NWD2: variants seen among roughly 807,000 people sequenced by gnomAD.
NWD2 encodes the protein NACHT and WD repeat domain containing 2, also known as NACHT and WD repeat domain-containing protein 2.
Under a neutral mutation model 132.7 loss-of-function variants are expected in NWD2, and 37 were observed. That is an observed-to-expected ratio of 0.28 (90% CI 0.21 to 0.37). The LOEUF (loss-of-function observed/expected upper bound fraction) is 0.37. Ranked by LOEUF, NWD2 falls within the 10% of genes least tolerant of loss-of-function variation. The probability of loss-of-function intolerance (pLI) is 1.00; values close to 1 mark genes in which losing one functional copy is unlikely to be tolerated. For synonymous variants in NWD2, 705 were observed against 803.0 expected, an observed-to-expected ratio of 0.88 and a Z score of 2.06; for missense variants, 1,592 against 2,122.4, an observed-to-expected ratio of 0.75 and a Z score of 4.91.
intron 3 of NWD2, among the ~76,000 whole-genome samples, chr4:37,394,801 T>TTTTTTTTTTTTTGTTTTG (rs1720748941): frequency 1.3e-5 from 1 of 79,578 alleles, no homozygotes; most frequent in Non-Finnish European, 2.7e-5. Flanking sequence ...CCTTTATGGT[T>TTTTTTTTTTTTTGTTTTG]TTTTTTTTTT....
At chr4:37,348,637 C>CATATATATATAT (rs370439742) in intron 2 of NWD2, among the ~76,000 whole-genome samples, 2 of 26,554 alleles carry the variant, frequency 7.5e-5, no homozygotes, top group African/African-American at 1.7e-4. Flanking sequence ...GTGGTTAATT[C>CATATATATATAT]ATATATATAT....
At chr4:37,245,285 G>T in intron 1 of NWD2, 67 bp downstream of exon 1, 1 of 1,460,378 alleles carries the variant, frequency 6.8e-7, no homozygotes, top group South Asian at 1.4e-5. Flanking sequence ...GCTGGAGAGT[G>T]TGTGTCCGCC....
chr4:37,353,956 G>A (rs1030001196), intron 2 of NWD2, among the ~76,000 whole-genome samples: 28 of 152,088 alleles, frequency 1.8e-4, no homozygotes, highest in African/African-American at 6.5e-4. Flanking sequence ...GCCTTTTTGC[G>A]CTGGTTTTTT....
At chr4:37,399,190 C>T (rs190956771) in intron 3 of NWD2, among the ~76,000 whole-genome samples, 16 of 152,212 alleles carry the variant, frequency 1.1e-4, no homozygotes, top group Non-Finnish European at 2.2e-4. Context: ...ATTTTCCCAC[C>T]CAAGTCTCTC....
chr4:37,427,328 TG>T (rs1712034388), intron 3 of NWD2, among the ~76,000 whole-genome samples: 1 of 152,168 alleles, frequency 6.6e-6, no homozygotes, highest in South Asian at 2.1e-4. Context: ...GGCAAGATAA[TG>T]GGATAATCAC....
At chr4:37,397,548 G>C (rs1050813290) in intron 3 of NWD2, among the ~76,000 whole-genome samples, 11 of 152,090 alleles carry the variant, frequency 7.2e-5, no homozygotes, top group African/African-American at 2.2e-4. Context: ...TCTCACCTTG[G>C]TTCTCCAGCC....
intron 3 of NWD2, among the ~76,000 whole-genome samples, chr4:37,370,077 C>T (rs1720184221): frequency 6.6e-6 from 1 of 152,206 alleles, no homozygotes. Context: ...AGTTTTGCCA[C>T]AGTTGGGAAA....
chr4:37,332,377 C>T (rs1719312233), intron 2 of NWD2, among the ~76,000 whole-genome samples: 2 of 151,754 alleles, frequency 1.3e-5, no homozygotes, highest in African/African-American at 2.4e-5. Context: ...GGGCAGAGTC[C>T]TGAGTTCCCC....
At chr4:37,292,944 ACAGGCCACGGAC>A (rs1396264369) in intron 1 of NWD2, among the ~76,000 whole-genome samples, 1 of 152,126 alleles carries the variant, frequency 6.6e-6, no homozygotes, top group Non-Finnish European at 1.5e-5. Flanking sequence ...CTGGTTCCTA[ACAGGCCACGGAC>A]CAGTACCAGT....
intron 1 of NWD2, among the ~76,000 whole-genome samples, chr4:37,266,534 G>A (rs1282150971): frequency 6.6e-6 from 1 of 152,020 alleles, no homozygotes; most frequent in Non-Finnish European, 1.5e-5. Flanking sequence ...GACTCTGATT[G>A]GCTTGGCTGA....
In NWD2 at chr4:37,444,237, A is replaced by G. The variant is rs1712568273; in HGVS notation, c.2249A>G (p.Asn750Ser). The change falls in exon 7 of 7, where the codon AAT (asparagine) becomes AGT (serine). Residue 750 changes from asparagine (N) to serine (S), a missense_variant. Physicochemically the swap from Asn to Ser is conservative, Grantham distance 46. Transcript: ENST00000309447. The surrounding 1 kb of genome is among the most constrained non-coding windows in gnomAD (Gnocchi z 4.8). The stretch of plus-strand genomic sequence containing the variant: ...CAGAAGCTATATCTGCAGGATGACA[A>G]TGACCTGCGTGAAATGCACACCATC... ...IAQKLYLQDD[N>S]DLREMHTILA... 6.4e-7 allele frequency: 1 copy of G among 1,551,732 alleles called. No individual in the cohort carries two copies. The highest frequency in any genetic ancestry group is 1.2e-5 in the South Asian group (1 of 84,062).
In NWD2 at chr4:37,309,516, C is replaced by T. The variant is rs79684005; in HGVS notation, c.152-16420C>T. 7.4e-3 allele frequency among the ~76,000 whole-genome samples: 1,119 copies of T among 152,184 alleles called. 34 individuals are homozygous for T. The highest frequency in any genetic ancestry group is 0.059 in the East Asian group (305 of 5,176). The stretch of plus-strand genomic sequence containing the variant: ...GCAGAGAAGCAGGCCCTTTGGGGCT[C>T]CTGGACAGGGTACATTTTAGCAGTG... On this transcript the variant is annotated intron_variant, in intron 1 of 6. Coordinates refer to ENST00000309447, the MANE Select transcript of NWD2 (RefSeq NM_001144990.2).
intron 1 of NWD2, among the ~76,000 whole-genome samples, chr4:37,315,773 C>T (rs757329838): frequency 6.6e-6 from 1 of 151,986 alleles, no homozygotes; most frequent in Non-Finnish European, 1.5e-5. Flanking sequence ...TCCCACTTGA[C>T]TCTCTTCTTT....
intron 3 of NWD2, among the ~76,000 whole-genome samples, chr4:37,374,911 T>C (rs897775247): frequency 1.1e-4 from 16 of 152,238 alleles, no homozygotes; most frequent in Admixed American, 2.0e-4. Context: ...CTGAATGATA[T>C]GAATGCTTTT....
chr4:37,329,434 A>G (rs558014608), intron 2 of NWD2, among the ~76,000 whole-genome samples: 19 of 152,312 alleles, frequency 1.2e-4, no homozygotes, highest in South Asian at 2.1e-4. Context: ...TGATAAGGCA[A>G]TATTTGAGCA....
chr4:37,433,749 G>C, intron 4 of NWD2, 127 bp from the exon 5 acceptor site: 1 of 630,266 alleles, frequency 1.6e-6, no homozygotes, highest in Non-Finnish European at 2.6e-6. Flanking sequence ...ATTAGACACT[G>C]TCTGTAAAGC....
chr4:37,271,342 A>G (rs1418779539), intron 1 of NWD2, among the ~76,000 whole-genome samples: 1 of 151,870 alleles, frequency 6.6e-6, no homozygotes, highest in African/African-American at 2.4e-5. Flanking sequence ...TTGATATCCA[A>G]ATAATATTGA....
Position 37,430,731 on chromosome 4 carries a change from T to C in NWD2, c.517T>C (p.Tyr173His), listed in dbSNP as rs1188477606. 11 of 1,551,566 alleles carry C rather than the reference T, an allele frequency of 7.1e-6. No individual in the cohort carries two copies. Among genetic ancestry groups the C allele is most frequent in the Non-Finnish European group, 9.6e-6 (11 of 1,146,854 alleles). Reference protein sequence around the residue: ...RDENSVPAAYYLRPKSEMLRS... With the variant: ...RDENSVPAAYHLRPKSEMLRS... ...TGAGAACTCGGTGCCAGCAGCCTAT[T>C]ACCTCAGACCCAAGTCAGAAATGCT... is the stretch of plus-strand genomic sequence containing the variant. Residue 173 changes from tyrosine (Y) to histidine (H), a missense_variant, in exon 4 of 7, where the codon TAC (tyrosine) becomes CAC (histidine). Coordinates refer to ENST00000309447, the MANE Select transcript of NWD2 (RefSeq NM_001144990.2).
chr4:37,319,108 C>T (rs1719019286), intron 1 of NWD2, among the ~76,000 whole-genome samples: 1 of 152,138 alleles, frequency 6.6e-6, no homozygotes, highest in South Asian at 2.1e-4. Context: ...AGTAGGTAAG[C>T]ATTCTCTTTT....
Sources: allele counts gnomAD v4.1 joint callset (sites outside exome capture counted in the v4.1 genomes callset), GRCh38; gene constraint gnomAD v4.1.1; non-coding constraint Gnocchi (gnomAD v3.1); transcripts MANE v1.5; gene names NCBI Gene and HGNC (gene_info 2026-07-23, HGNC 2026-07-21).